Variants in IMPG1 observed in about 807,000 individuals in gnomAD.
IMPG1 encodes the protein interphotoreceptor matrix proteoglycan of 150 kDa.
Under a neutral mutation model 92.0 loss-of-function variants are expected in IMPG1, and 85 were observed. The observed-to-expected ratio is 0.92, with a 90% CI of 0.78 to 1.11. The LOEUF is 1.11. IMPG1 is among the 50% of genes least tolerant of loss of function. The pLI is 0.00. For synonymous variants in IMPG1, 367 were observed against 334.1 expected (o/e 1.10, Z -1.08); for missense variants, 1,022 against 956.0 (o/e 1.07, Z -0.91).
intron 12 of IMPG1, among the ~76,000 whole-genome samples, chr6:75,974,975 TAGA>T (rs1368778093): frequency 2.0e-5 from 3 of 152,248 alleles, no homozygotes; most frequent in Admixed American, 6.5e-5. Context: ...AGTAGGCTTT[TAGA>T]AGAAGAATGA....
chr6:76,024,994 G>A, intron 5 of IMPG1, 200 bp downstream of exon 5: 1 of 616,706 alleles, frequency 1.6e-6, no homozygotes, highest in South Asian at 1.6e-5. Context: ...TGAATGGTTT[G>A]GTTTTACCTT....
chr6:76,007,607 CTTTCCATTGTCTCT>C, intron 8 of IMPG1, 107 bp from the exon 9 acceptor site: 2 of 714,296 alleles, frequency 2.8e-6, no homozygotes, highest in Non-Finnish European at 4.5e-6. Context: ...AAAAATATTT[CTTTCCATTGTCTCT>C]TTTGTTTGTT....
At chr6:75,963,176 A>T (rs1782237780) in intron 12 of IMPG1, among the ~76,000 whole-genome samples, 1 of 152,224 alleles carries the variant, frequency 6.6e-6, no homozygotes, top group Admixed American at 6.5e-5. Flanking sequence ...TATATTGGGA[A>T]CATTGAAGAG....
chr6:75,999,844 G>T (rs911010976), intron 12 of IMPG1, among the ~76,000 whole-genome samples: 1 of 152,228 alleles, frequency 6.6e-6, no homozygotes, highest in Non-Finnish European at 1.5e-5. Flanking sequence ...AGACAGCACA[G>T]CTATTCCTCT....
At chr6:76,048,339 CCTT>C (rs1783980130) in intron 1 of IMPG1, among the ~76,000 whole-genome samples, 1 of 152,182 alleles carries the variant, frequency 6.6e-6, no homozygotes, top group Admixed American at 6.5e-5. Context: ...ATTTCTGGTA[CCTT>C]CTTGCTGATT....
chr6:75,993,622 TAATTACCTTCCA>T (rs933037743), intron 12 of IMPG1, among the ~76,000 whole-genome samples: 1 of 152,214 alleles, frequency 6.6e-6, no homozygotes, highest in Non-Finnish European at 1.5e-5. Context: ...ACCTTTGACC[TAATTACCTTCCA>T]AATACCATCA....
intron 13 of IMPG1, among the ~76,000 whole-genome samples, chr6:75,949,494 T>C (rs1245050295): frequency 1.3e-5 from 2 of 152,216 alleles, no homozygotes; most frequent in East Asian, 3.8e-4. Context: ...GAAATAACCA[T>C]AAAAATGGGC....
intron 7 of IMPG1, among the ~76,000 whole-genome samples, chr6:76,014,653 A>G (rs1783250746): frequency 6.6e-6 from 1 of 152,148 alleles, no homozygotes; most frequent in South Asian, 2.1e-4. Context: ...CAGATCCTGA[A>G]TCATCCATTT....
chr6:75,934,815 A>C, intron 14 of IMPG1: 1 of 377,906 alleles, frequency 2.6e-6, no homozygotes, highest in Non-Finnish European at 5.7e-6. Context: ...CCGCCCCTCA[A>C]CCTTGTCCTG....
chr6:75,987,868 C>A (rs919109060), intron 12 of IMPG1, among the ~76,000 whole-genome samples: 1 of 152,040 alleles, frequency 6.6e-6, no homozygotes, highest in South Asian at 2.1e-4. Context: ...AGGATGGTTT[C>A]GATCTCCTGA....
intron 14 of IMPG1, among the ~76,000 whole-genome samples, chr6:75,935,747 G>A (rs1215284153): frequency 1.3e-5 from 2 of 152,140 alleles, no homozygotes; most frequent in Non-Finnish European, 2.9e-5. Flanking sequence ...AAAATCAGAA[G>A]AAAAAATTAA....
chr6:75,978,419 C>A (rs1404974597), intron 12 of IMPG1, among the ~76,000 whole-genome samples: 1 of 152,080 alleles, frequency 6.6e-6, no homozygotes, highest in Non-Finnish European at 1.5e-5. Context: ...TTTCTATATG[C>A]TCTTTATTTC....
intron 4 of IMPG1, among the ~76,000 whole-genome samples, chr6:76,027,359 G>A (rs935767686): frequency 1.7e-4 from 26 of 152,070 alleles, no homozygotes; most frequent in South Asian, 6.2e-4. Flanking sequence ...GGCAAACCTC[G>A]GCTGCAGTCA....
intron 14 of IMPG1, among the ~76,000 whole-genome samples, chr6:75,939,712 C>A (rs949487654): frequency 6.6e-6 from 1 of 152,146 alleles, no homozygotes; most frequent in African/African-American, 2.4e-5. Context: ...CTCTTGCCAC[C>A]TTTACAACTC....
chr6:75,959,863 G>A (rs1330073378), intron 12 of IMPG1, among the ~76,000 whole-genome samples: 1 of 152,134 alleles, frequency 6.6e-6, no homozygotes. Flanking sequence ...CCCTTTTCCA[G>A]GGGAGTGAAC....
intron 9 of IMPG1, among the ~76,000 whole-genome samples, chr6:76,006,506 C>A (rs1783102458): frequency 7.1e-6 from 1 of 141,698 alleles, no homozygotes; most frequent in African/African-American, 2.7e-5. Flanking sequence ...ATATATACAC[C>A]TATATACATA....
intron 12 of IMPG1, among the ~76,000 whole-genome samples, chr6:75,974,324 T>TCC (rs1272063568): frequency 1.1e-4 from 17 of 150,402 alleles, no homozygotes; most frequent in Admixed American, 6.6e-5. Context: ...TTTCCCTCTT[T>TCC]CTTTCCCTTT....
intron 4 of IMPG1, among the ~76,000 whole-genome samples, chr6:76,025,466 T>C (rs1783508788): frequency 6.6e-6 from 1 of 152,234 alleles, no homozygotes; most frequent in African/African-American, 2.4e-5. Flanking sequence ...TCCAAAATGG[T>C]TATGTTTGAC....
At chr6:75,925,963 C>T (rs1348947736) in intron 15 of IMPG1, among the ~76,000 whole-genome samples, 1 of 152,130 alleles carries the variant, frequency 6.6e-6, no homozygotes, top group Non-Finnish European at 1.5e-5. Context: ...CTGTGCCAGG[C>T]CTGTATTTAT....
Sources: allele counts gnomAD v4.1 joint callset (sites outside exome capture counted in the v4.1 genomes callset), GRCh38; gene constraint gnomAD v4.1.1; transcripts MANE v1.5; gene names NCBI Gene and HGNC (gene_info 2026-07-23, HGNC 2026-07-21).